The following SGCZ variants were observed in gnomAD, a reference collection of about 807,000 sequenced individuals.
The protein encoded by SGCZ is sarcoglycan zeta.
Under a neutral mutation model 41.3 loss-of-function variants are expected in SGCZ, and 40 were observed. The ratio of observed to expected loss-of-function variants is 0.97; its 90% CI spans 0.75 to 1.26. SGCZ has a LOEUF of 1.26. Among genes scored for constraint, SGCZ ranks in the 50% most tolerant of loss-of-function variants. The pLI, the probability that SGCZ is intolerant of heterozygous loss-of-function variation, is 0.00. For synonymous variants in SGCZ, 206 were observed against 137.5 expected (o/e 1.50, Z -3.49); for missense variants, 552 against 369.8 (o/e 1.49, Z -4.04).
At chr8:14,140,990 C>G (rs1223501105) in intron 5 of SGCZ, among the ~76,000 whole-genome samples, 1 of 152,110 alleles carries the variant, frequency 6.6e-6, no homozygotes, top group African/African-American at 2.4e-5. Flanking sequence ...ACCAATGGAA[C>G]AGGACAGAGC....
intron 2 of SGCZ, among the ~76,000 whole-genome samples, chr8:14,528,018 A>T (rs910333720): frequency 6.6e-6 from 1 of 152,084 alleles, no homozygotes; most frequent in Non-Finnish European, 1.5e-5. Flanking sequence ...AATAGTACAG[A>T]TGGGAGGTGA....
At chr8:15,150,116 G>C (rs1055923179) in intron 1 of SGCZ, among the ~76,000 whole-genome samples, 2 of 152,112 alleles carry the variant, frequency 1.3e-5, no homozygotes, top group South Asian at 2.1e-4. Flanking sequence ...GTGGATTTTT[G>C]AGCGATTTTC....
chr8:14,636,606 T>C (rs528853896), intron 1 of SGCZ, among the ~76,000 whole-genome samples: 1 of 151,992 alleles, frequency 6.6e-6, no homozygotes, highest in East Asian at 1.9e-4. Context: ...TTAGGGCATT[T>C]TGGTTTCAGG....
intron 3 of SGCZ, among the ~76,000 whole-genome samples, chr8:14,245,473 A>G (rs974736623): frequency 6.6e-6 from 1 of 152,216 alleles, no homozygotes; most frequent in East Asian, 1.9e-4. Flanking sequence ...TAAACGTTAG[A>G]TCTAAAACCA....
chr8:14,972,819 A>G (rs1801346202), intron 1 of SGCZ, among the ~76,000 whole-genome samples: 1 of 152,188 alleles, frequency 6.6e-6, no homozygotes, highest in Non-Finnish European at 1.5e-5. Flanking sequence ...GTAGTCATAC[A>G]AATTAAACAT....
intron 1 of SGCZ, among the ~76,000 whole-genome samples, chr8:14,831,759 C>T (rs1214546010): frequency 3.3e-5 from 2 of 60,266 alleles, no homozygotes; most frequent in South Asian, 5.8e-4. Context: ...TCTGTATAAA[C>T]ATATACATAT....
At chr8:14,882,843 C>T (rs140554260) in intron 1 of SGCZ, among the ~76,000 whole-genome samples, 1,679 of 152,178 alleles carry the variant, frequency 0.011, 31 homozygotes, top group African/African-American at 0.036. Context: ...TTTGGATCCA[C>T]TGACTCCAAA....
At chr8:14,458,143 T>C (rs768604883) in intron 2 of SGCZ, among the ~76,000 whole-genome samples, 2 of 152,210 alleles carry the variant, frequency 1.3e-5, no homozygotes, top group Non-Finnish European at 2.9e-5. Context: ...TTTAGAACTA[T>C]ATTACTGGTT....
In SGCZ at chr8:15,060,320, C is replaced by A. The variant is rs1804874537; in HGVS notation, c.39+177265G>T. On this transcript the variant is annotated intron_variant, in intron 1 of 7. Coordinates refer to ENST00000382080, the MANE Select transcript of SGCZ (RefSeq NM_139167.4). The stretch of plus-strand genomic sequence containing the variant: ...TTAAGAAAATGTGGCACATATACAC[C>A]ATGGAATACTATGCAGCCATAAAAA... Among the ~76,000 whole-genome samples, 3 of 151,986 alleles carry A rather than the reference C, an allele frequency of 2.0e-5. No homozygotes were observed. The South Asian group carries it at 6.2e-4, about 32-fold the overall frequency.
intron 1 of SGCZ, among the ~76,000 whole-genome samples, chr8:14,831,788 G>GTGTTTACACATACATGTATATA (rs1802538549): frequency 6.7e-6 from 1 of 149,850 alleles, no homozygotes; most frequent in African/African-American, 2.5e-5. Context: ...ACGTATATAT[G>GTGTTTACACATACATGTATATA]TGTGTACACA....
Position 14,441,678 on chromosome 8 carries a change from T to C in SGCZ, c.234+113054A>G, listed in dbSNP as rs140052708. On this transcript the variant is annotated intron_variant, in intron 2 of 7. Transcript: ENST00000382080. ...GATTCATATCTCAAGGGTTTGGCTT[T>C]GTACGCATCTCACCACATGTAATTT... is the stretch of plus-strand genomic sequence containing the variant. Among the ~76,000 whole-genome samples the C allele has an allele frequency of 4.7e-3, 719 of 152,362 alleles. 9 individuals carry two copies. Among genetic ancestry groups the C allele is most frequent in the African/African-American group, 0.016 (664 of 41,586 alleles).
At chr8:14,599,028 C>A (rs920156063) in intron 1 of SGCZ, among the ~76,000 whole-genome samples, 2 of 152,088 alleles carry the variant, frequency 1.3e-5, no homozygotes, top group Non-Finnish European at 2.9e-5. Context: ...ATCTCAGATT[C>A]TAAACCTCCT....
intron 3 of SGCZ, among the ~76,000 whole-genome samples, chr8:14,296,742 A>G (rs542830457): frequency 6.6e-6 from 1 of 152,282 alleles, no homozygotes; most frequent in East Asian, 1.9e-4. Context: ...AGATTAGGTC[A>G]CTAAGGCTAT....
intron 1 of SGCZ, among the ~76,000 whole-genome samples, chr8:14,705,160 T>C (rs375167226): frequency 4.3e-4 from 65 of 152,004 alleles, no homozygotes; most frequent in African/African-American, 1.5e-3. Context: ...CTTATGCACC[T>C]CATAACAAGA....
intron 1 of SGCZ, among the ~76,000 whole-genome samples, chr8:14,857,115 T>G (rs954208898): frequency 6.6e-6 from 1 of 152,114 alleles, no homozygotes; most frequent in African/African-American, 2.4e-5. Flanking sequence ...TGTTTAAAAG[T>G]GCGTAGCGCC....
chr8:14,487,570 A>T (rs376980428), intron 2 of SGCZ, among the ~76,000 whole-genome samples: 2 of 92,568 alleles, frequency 2.2e-5, no homozygotes, highest in African/African-American at 4.0e-5. Flanking sequence ...GTTTAGTGAT[A>T]ATTTATTTCA....
intron 1 of SGCZ, among the ~76,000 whole-genome samples, chr8:14,999,070 A>G (rs1563423701): frequency 1.3e-5 from 2 of 152,210 alleles, no homozygotes; most frequent in Non-Finnish European, 2.9e-5. Flanking sequence ...TTATGTATGG[A>G]CAACACCTTT....
At chr8:14,347,176 T>G (rs1465096062) in intron 2 of SGCZ, among the ~76,000 whole-genome samples, 1 of 152,056 alleles carries the variant, frequency 6.6e-6, no homozygotes, top group Non-Finnish European at 1.5e-5. Flanking sequence ...TCATTTTTCT[T>G]AGAAGTCTAC....
intron 2 of SGCZ, among the ~76,000 whole-genome samples, chr8:14,385,262 A>G (rs1804532560): frequency 6.6e-6 from 1 of 152,194 alleles, no homozygotes; most frequent in African/African-American, 2.4e-5. Flanking sequence ...TACACTATTA[A>G]GAGAATCCTC....
Sources: gnomAD v4.1 joint callset for allele counts (sites outside exome capture counted in the v4.1 genomes callset) on GRCh38, gnomAD v4.1.1 for gene constraint, MANE v1.5 for transcripts, NCBI Gene and HGNC (gene_info 2026-07-23, HGNC 2026-07-21) for gene names.